Variants in METTL16 observed in about 807,000 individuals in gnomAD.
The protein encoded by METTL16 is methyltransferase 16, RNA N6-adenosine.
In METTL16, 19 loss-of-function variants were observed where a neutral mutation model predicts 57.9. That is an observed-to-expected ratio of 0.33 (90% confidence interval 0.23 to 0.48). The LOEUF (loss-of-function observed/expected upper bound fraction) is 0.48, where lower values mean the gene tolerates loss of function less well. Among genes scored for constraint, METTL16 ranks in the 20% least tolerant of loss-of-function variants. METTL16 has a pLI of 0.99. For missense variants in METTL16, 434 were observed against 691.5 expected (o/e 0.63, Z 4.18); for synonymous variants, 246 against 255.6 (o/e 0.96, Z 0.36).
chr17:2,448,795 T>G (rs938294968), intron 6 of METTL16, among the ~76,000 whole-genome samples: 1 of 36,830 alleles, frequency 2.7e-5, no homozygotes, highest in Non-Finnish European at 5.0e-5. Context: ...AAAATAAAAA[T>G]AAAATTTAAA....
chr17:2,500,070 G>A (rs2067476075), intron 2 of METTL16, among the ~76,000 whole-genome samples: 1 of 152,092 alleles, frequency 6.6e-6, no homozygotes, highest in South Asian at 2.1e-4. Flanking sequence ...AGATCCCTTT[G>A]AGAATGTGAT....
chr17:2,448,802 T>A (rs77253995), intron 6 of METTL16, among the ~76,000 whole-genome samples: 5,606 of 43,214 alleles, frequency 0.13, 309 homozygotes, highest in Middle Eastern at 0.24. Context: ...AAATAAAATT[T>A]AAAAAAAAAA....
chr17:2,498,417 A>G (rs1158852146), intron 2 of METTL16, among the ~76,000 whole-genome samples: 1 of 150,906 alleles, frequency 6.6e-6, no homozygotes, highest in East Asian at 2.0e-4. Flanking sequence ...TCTCCAAACA[A>G]TGCAAAACAA....
chr17:2,466,211 AAG>A (rs1033701538), intron 5 of METTL16, among the ~76,000 whole-genome samples: 3 of 151,150 alleles, frequency 2.0e-5, no homozygotes, highest in African/African-American at 7.3e-5. Context: ...AAAAAAAAAA[AAG>A]CCACTTAACA....
intron 2 of METTL16, among the ~76,000 whole-genome samples, chr17:2,484,597 C>T (rs1420494944): frequency 5.3e-5 from 8 of 151,998 alleles, no homozygotes; most frequent in Admixed American, 3.9e-4. Flanking sequence ...CGGCTTCAGG[C>T]GACTCTTCTG....
At chr17:2,429,507 G>T (rs1295968380) in intron 8 of METTL16, among the ~76,000 whole-genome samples, 1 of 150,222 alleles carries the variant, frequency 6.7e-6, no homozygotes, top group Non-Finnish European at 1.5e-5. Context: ...ACATTTATCC[G>T]GCTTTACTAG....
At chr17:2,490,657 C>G (rs1567903695) in intron 2 of METTL16, among the ~76,000 whole-genome samples, 1 of 152,168 alleles carries the variant, frequency 6.6e-6, no homozygotes, top group South Asian at 2.1e-4. Context: ...GAAAACAGGT[C>G]CTTGGTTCTA....
intron 2 of METTL16, among the ~76,000 whole-genome samples, chr17:2,489,158 A>T (rs1437495875): frequency 6.7e-6 from 1 of 148,836 alleles, no homozygotes; most frequent in African/African-American, 2.5e-5. Context: ...GGGTCTCACT[A>T]TATTGACCAG....
chr17:2,496,458 CCT>C (rs1442983540), intron 2 of METTL16, among the ~76,000 whole-genome samples: 4 of 151,564 alleles, frequency 2.6e-5, no homozygotes, highest in Admixed American at 2.0e-4. Context: ...ACCACTATAC[CCT>C]GTCAAACATG....
chr17:2,459,098 G>T (rs1240429590), intron 6 of METTL16, among the ~76,000 whole-genome samples: 1 of 152,130 alleles, frequency 6.6e-6, no homozygotes, highest in Non-Finnish European at 1.5e-5. Context: ...GAGCCATTGT[G>T]CCCGGACTGG....
At chr17:2,466,338 GCT>G (rs1224860483) in intron 5 of METTL16, among the ~76,000 whole-genome samples, 2 of 152,010 alleles carry the variant, frequency 1.3e-5, no homozygotes, top group Non-Finnish European at 2.9e-5. Flanking sequence ...GAAGAAAAAA[GCT>G]CTCTCCTCAC....
Position 2,505,110 on chromosome 17 carries a change from G to A in METTL16, c.1-2779C>T, listed in dbSNP as rs867775365. ...ACACTGAAAGAGAAACTATTATAAT[G>A]GTTTAGTAAATCTCCAGGTAGTTGG... On this transcript the variant is annotated intron_variant, in intron 1 of 9. Coordinates refer to ENST00000263092, the MANE Select transcript of METTL16 (RefSeq NM_024086.4). Among the ~76,000 whole-genome samples the A allele has an allele frequency of 4.6e-5, 7 of 151,730 alleles. No individual in the cohort carries two copies. The South Asian group carries it at 1.5e-3, about 32-fold the overall frequency.
intron 8 of METTL16, among the ~76,000 whole-genome samples, chr17:2,432,378 G>C (rs781595080): frequency 1.2e-4 from 18 of 152,108 alleles, no homozygotes; most frequent in Middle Eastern, 3.2e-3. Flanking sequence ...GACCAACCTG[G>C]GCAACCTAGG....
At chr17:2,425,995 G>A (rs1485920650) in intron 8 of METTL16, among the ~76,000 whole-genome samples, 1 of 142,812 alleles carries the variant, frequency 7.0e-6, no homozygotes, top group African/African-American at 2.6e-5. Flanking sequence ...ACAGATCAGT[G>A]TAGCATGTTA....
At chr17:2,438,958 GAA>G (rs1050535496) in intron 7 of METTL16, among the ~76,000 whole-genome samples, 5 of 152,198 alleles carry the variant, frequency 3.3e-5, no homozygotes, top group Admixed American at 2.6e-4. Flanking sequence ...AAAAGAGGAG[GAA>G]TAGGACGTCA....
intron 6 of METTL16, among the ~76,000 whole-genome samples, chr17:2,441,993 G>A (rs984853679): frequency 9.9e-5 from 15 of 152,170 alleles, no homozygotes; most frequent in Non-Finnish European, 1.2e-4. Flanking sequence ...CGTAATTTAA[G>A]GATAGATAAT....
chr17:2,481,507 A>T lies in METTL16; in HGVS notation c.129-3622T>A, dbSNP rs147504721. Among the ~76,000 whole-genome samples the T allele has an allele frequency of 6.9e-4, 105 of 152,316 alleles. 1 individual carries two copies. The East Asian group carries it at 0.015, about 22-fold the overall frequency. ...AGGCACAATTAAACAAAATTCAGGA[A>T]GGAGAGAGTGGCCATGGTTGTACAC... On this transcript the variant is annotated intron_variant, in intron 2 of 9. Transcript: ENST00000263092.
At position 2,433,634 on chromosome 17, in the gene METTL16, G is replaced by A. The variant is rs2066890164; in HGVS notation, c.888+4475C>T. ...TGACTTTTTGGAGCCTGCAGTAGAC[G>A]TAGTTCACTCGATTGCTGTCAGGTG... On this transcript the variant is annotated intron_variant, in intron 8 of 9. Coordinates refer to ENST00000263092, the MANE Select transcript of METTL16 (RefSeq NM_024086.4). Among the ~76,000 whole-genome samples, 4 of 152,306 alleles carry A rather than the reference G, an allele frequency of 2.6e-5. No individual in the cohort carries two copies. In the South Asian group the frequency reaches 8.3e-4, roughly 32 times the overall value.
chr17:2,490,446 T>A (rs977026940), intron 2 of METTL16, among the ~76,000 whole-genome samples: 3 of 152,104 alleles, frequency 2.0e-5, no homozygotes, highest in African/African-American at 7.2e-5. Flanking sequence ...CCACAAAAAT[T>A]CCTACGTATG....
Sources: gnomAD v4.1 joint callset for allele counts (sites outside exome capture counted in the v4.1 genomes callset) on GRCh38, gnomAD v4.1.1 for gene constraint, MANE v1.5 for transcripts, NCBI Gene and HGNC (gene_info 2026-07-23, HGNC 2026-07-21) for gene names.